LYPD6: variants seen among roughly 807,000 people sequenced by gnomAD.
The protein encoded by LYPD6 is LY6/PLAUR domain containing 6, also known as ly6/PLAUR domain-containing protein 6.
LYPD6 carries 15 observed loss-of-function variants against 22.7 expected under a neutral mutation model. That is an observed-to-expected ratio of 0.66 (90% CI 0.44 to 1.02). The LOEUF is 1.02. Ranked by LOEUF, LYPD6 falls within the 50% of genes least tolerant of loss-of-function variation. The pLI, the probability that LYPD6 is intolerant of heterozygous loss-of-function variation, is 0.00. For synonymous variants in LYPD6, 72 were observed against 77.5 expected, an observed-to-expected ratio of 0.93 and a Z score of 0.37; for missense variants, 189 against 208.4, an observed-to-expected ratio of 0.91 and a Z score of 0.57.
At chr2:149,460,909 G>A (rs377369082) in intron 3 of LYPD6, among the ~76,000 whole-genome samples, 121 of 152,082 alleles carry the variant, frequency 8.0e-4, no homozygotes, top group African/African-American at 2.9e-3. Flanking sequence ...AAGTCTTAAG[G>A]GAAATTTAAA....
chr2:149,470,956 A>G lies in LYPD6; in HGVS notation c.*106A>G. ...AGTAATTACACATGTGAGACACAAC[A>G]CTCTTGGAGGTCATCACAGCCAAGC... On this transcript the variant is annotated 3_prime_UTR_variant, in exon 5 of 5. Coordinates refer to ENST00000334166, the MANE Select transcript of LYPD6 (RefSeq NM_194317.5). 1.9e-6 allele frequency: 2 copies of G among 1,032,610 alleles called. No homozygotes were observed. Among genetic ancestry groups the G allele is most frequent in the Non-Finnish European group, 2.9e-6 (2 of 699,300 alleles). 64.0% of individuals were successfully genotyped at this position (1,032,610 alleles called of 1,614,324 possible). A position where few individuals can be genotyped will look rare whatever the true frequency, so the allele number is the denominator to read the frequency against.
intron 1 of LYPD6, among the ~76,000 whole-genome samples, chr2:149,403,231 T>G (rs1304340938): frequency 6.6e-6 from 1 of 152,046 alleles, no homozygotes; most frequent in Non-Finnish European, 1.5e-5. Context: ...TTTGTAGTCC[T>G]TTGGGTATAT....
At chr2:149,393,532 TGAGTTAGGGGGCATAAAAGCA>T (rs1359829734) in intron 1 of LYPD6, among the ~76,000 whole-genome samples, 1 of 152,136 alleles carries the variant, frequency 6.6e-6, no homozygotes, top group African/African-American at 2.4e-5. Context: ...TAAGGCCCAC[TGAGTTAGGGGGCATAAAAGCA>T]GAGTGGACAG....
chr2:149,332,061 T>G (rs1385640549), intron 1 of LYPD6, among the ~76,000 whole-genome samples: 1 of 152,262 alleles, frequency 6.6e-6, no homozygotes, highest in Non-Finnish European at 1.5e-5. Flanking sequence ...CAAAAGGTAT[T>G]TGTGCAATCG....
intron 3 of LYPD6, among the ~76,000 whole-genome samples, chr2:149,454,751 T>C (rs912356296): frequency 1.3e-5 from 2 of 152,158 alleles, no homozygotes; most frequent in African/African-American, 4.8e-5. Flanking sequence ...ACACCTAGTA[T>C]TGACAGAAAC....
intron 1 of LYPD6, among the ~76,000 whole-genome samples, chr2:149,397,434 T>C (rs551279110): frequency 2.6e-5 from 4 of 152,316 alleles, no homozygotes; most frequent in African/African-American, 9.6e-5. Flanking sequence ...GTCTTCATAA[T>C]GTCTTGGCCC....
In LYPD6 at chr2:149,407,615, A is replaced by T. The variant is rs570344388; in HGVS notation, c.-71-30023A>T. On this transcript the variant is annotated intron_variant, in intron 1 of 4. Coordinates refer to ENST00000334166, the MANE Select transcript of LYPD6 (RefSeq NM_194317.5). Reference sequence around the variant, plus strand: ...CTTTAAGCACTTCTCTGTATTGGTTATTCTAGTTATACATTCGTCTAAATT... The same window carrying T: ...CTTTAAGCACTTCTCTGTATTGGTTTTTCTAGTTATACATTCGTCTAAATT... Among the ~76,000 whole-genome samples the T allele has an allele frequency of 6.6e-5, 10 of 152,198 alleles. No individual in the cohort carries two copies. The South Asian group carries it at 1.4e-3, about 22-fold the overall frequency.
chr2:149,347,082 G>A (rs1681270769), intron 1 of LYPD6, among the ~76,000 whole-genome samples: 2 of 152,146 alleles, frequency 1.3e-5, no homozygotes, highest in African/African-American at 2.4e-5. Context: ...CTGGTGACTT[G>A]CAGATGGTGG....
chr2:149,414,380 T>C (rs2105125689), intron 1 of LYPD6, among the ~76,000 whole-genome samples: 1 of 152,348 alleles, frequency 6.6e-6, no homozygotes, highest in East Asian at 1.9e-4. Context: ...AAAATCTTTC[T>C]TTGGAAATAG....
At chr2:149,465,069 A>G (rs2105178771) in intron 3 of LYPD6, among the ~76,000 whole-genome samples, 1 of 152,330 alleles carries the variant, frequency 6.6e-6, no homozygotes, top group East Asian at 1.9e-4. Flanking sequence ...AACACATGGC[A>G]TGAGAAGTTT....
intron 3 of LYPD6, among the ~76,000 whole-genome samples, chr2:149,463,293 C>T (rs1005973329): frequency 6.6e-6 from 1 of 152,048 alleles, no homozygotes; most frequent in African/African-American, 2.4e-5. Context: ...CATTTAACAT[C>T]ATTAGCCATA....
chr2:149,394,554 A>G (rs1336750941), intron 1 of LYPD6, among the ~76,000 whole-genome samples: 2 of 152,308 alleles, frequency 1.3e-5, no homozygotes. Context: ...TTTTGATCAC[A>G]TAAAGTAAAA....
intron 3 of LYPD6, among the ~76,000 whole-genome samples, chr2:149,457,138 A>G (rs1355752617): frequency 6.6e-6 from 1 of 152,212 alleles, no homozygotes. Context: ...TAGAATATGC[A>G]TAGGTTTACT....
chr2:149,470,757 CACG>C lies in LYPD6; in HGVS notation c.427_429del (p.Thr143del), dbSNP rs1426470719. On this transcript the variant is annotated inframe_deletion, in exon 5 of 5. Coordinates refer to ENST00000334166, the MANE Select transcript of LYPD6 (RefSeq NM_194317.5). ...GAAATGAAACTGATGCCACATTTGC[CACG>C]ACGTCACCTATAAATCAGACAAATG... The C allele has an allele frequency of 5.6e-6, 9 of 1,613,662 alleles. No individual in the cohort carries two copies. Among genetic ancestry groups the C allele is most frequent in the Non-Finnish European group, 7.6e-6 (9 of 1,179,822 alleles).
chr2:149,407,364 G>T (rs1388263489), intron 1 of LYPD6, among the ~76,000 whole-genome samples: 1 of 152,150 alleles, frequency 6.6e-6, no homozygotes, highest in African/African-American at 2.4e-5. Flanking sequence ...TCACTTTCAG[G>T]TATACCAATC....
chr2:149,395,514 A>G (rs1682410211), intron 1 of LYPD6, among the ~76,000 whole-genome samples: 2 of 152,150 alleles, frequency 1.3e-5, no homozygotes, highest in African/African-American at 2.4e-5. Flanking sequence ...CAGATATTTT[A>G]AAAAGCCCTA....
chr2:149,392,492 C>T (rs1308521702), intron 1 of LYPD6, among the ~76,000 whole-genome samples: 2 of 152,128 alleles, frequency 1.3e-5, no homozygotes, highest in Non-Finnish European at 2.9e-5. Context: ...TAACTCAGCT[C>T]TTCTCTCAAC....
the LYPD6 span, among the ~76,000 whole-genome samples, chr2:149,481,866 CAT>C: frequency 6.6e-6 from 1 of 152,106 alleles, no homozygotes; most frequent in Non-Finnish European, 1.5e-5. Context: ...TAATGAAAAA[CAT>C]AAATATAATA....
intron 1 of LYPD6, among the ~76,000 whole-genome samples, chr2:149,338,749 A>G (rs72862254): frequency 0.079 from 12,101 of 152,250 alleles, 1,140 homozygotes; most frequent in East Asian, 0.49. Flanking sequence ...GACTAAGACA[A>G]ATATTAACAC....
Sources: gnomAD v4.1 joint callset for allele counts (sites outside exome capture counted in the v4.1 genomes callset) on GRCh38, gnomAD v4.1.1 for gene constraint, MANE v1.5 for transcripts, NCBI Gene and HGNC (gene_info 2026-07-23, HGNC 2026-07-21) for gene names.